The following CLCN5 variants were observed in gnomAD, a reference collection of about 807,000 sequenced individuals.
CLCN5 encodes H(+)/Cl(-) exchange transporter 5.
Under a neutral mutation model 54.0 loss-of-function variants are expected in CLCN5, and 17 were observed. That is an observed-to-expected ratio of 0.31 (90% CI 0.22 to 0.47). CLCN5 has a LOEUF of 0.47. Ranked by LOEUF, CLCN5 falls within the 20% of genes least tolerant of loss-of-function variation. CLCN5 has a pLI of 1.00. For synonymous variants in CLCN5, 222 were observed against 233.0 expected (o/e 0.95, Z 0.43); for missense variants, 448 against 646.7 (o/e 0.69, Z 3.33).
intron 4 of CLCN5, among the ~76,000 whole-genome samples, chrX:50,060,626 G>A (rs1409988727): frequency 8.3e-5 from 9 of 108,952 alleles, no homozygotes; most frequent in Non-Finnish European, 1.3e-4. Flanking sequence ...ACAAAGCAGC[G>A]GGGAAGCTCG....
At chrX:49,994,407 A>C (rs1929410331) in intron 3 of CLCN5, among the ~76,000 whole-genome samples, 1 of 110,858 alleles carries the variant, frequency 9.0e-6, no homozygotes, top group Non-Finnish European at 1.9e-5. Context: ...GGCAACAAAT[A>C]TTGAAGGAAG....
At chrX:49,991,100 A>G (rs1929238667) in intron 3 of CLCN5, among the ~76,000 whole-genome samples, 2 of 112,338 alleles carry the variant, frequency 1.8e-5, no homozygotes. Flanking sequence ...ATCAAATGGT[A>G]GATCTACTTT....
chrX:50,003,693 A>G (rs782660744), intron 3 of CLCN5: 3 of 282,860 alleles, frequency 1.1e-5, no homozygotes, highest in African/African-American at 8.2e-5. Flanking sequence ...ACTCTCAGCC[A>G]TGTCCTTTCT....
At chrX:50,018,970 G>T (rs1259878866) in intron 3 of CLCN5, among the ~76,000 whole-genome samples, 1 of 111,823 alleles carries the variant, frequency 8.9e-6, no homozygotes, top group Non-Finnish European at 1.9e-5. Context: ...ATTAAGAAGG[G>T]TTCCCTTTGC....
At chrX:49,928,186 T>A (rs187770768) in intron 3 of CLCN5, among the ~76,000 whole-genome samples, 1,440 of 112,149 alleles carry the variant, frequency 0.013, 23 homozygotes, top group Non-Finnish European at 0.019. Context: ...AAAAGATAAA[T>A]GTTAGAGGTG....
chrX:49,980,195 A>C (rs939184199), intron 3 of CLCN5, among the ~76,000 whole-genome samples: 5 of 111,351 alleles, frequency 4.5e-5, no homozygotes, highest in Admixed American at 1.9e-4. Context: ...TACTTTTAGG[A>C]ATACCTAACA....
chrX:49,956,939 T>C (rs1927355261), intron 3 of CLCN5, among the ~76,000 whole-genome samples: 1 of 111,762 alleles, frequency 8.9e-6, no homozygotes, highest in African/African-American at 3.3e-5. Context: ...TGGTCCTGTA[T>C]AGGCAATTGA....
In CLCN5 at chrX:50,087,485, C is replaced by T. The variant is rs781928758; in HGVS notation, c.1557+615C>T. Among the ~76,000 whole-genome samples the T allele has an allele frequency of 4.5e-5, 5 of 111,822 alleles. No homozygotes were observed. In the South Asian group the frequency reaches 1.9e-3, roughly 43 times the overall value. ...AGGCTGGCACGTTTTACTTTAGGTA[C>T]CTGTTACCATTTCCACGTTTCAGAA... On this transcript the variant is annotated intron_variant, in intron 11 of 14. Transcript: ENST00000376091.
At chrX:50,052,668 C>T (rs1703100056) in intron 4 of CLCN5, among the ~76,000 whole-genome samples, 1 of 110,829 alleles carries the variant, frequency 9.0e-6, no homozygotes, top group African/African-American at 3.3e-5. Flanking sequence ...CCATGGGGGC[C>T]TGGTGCTTTC....
intron 10 of CLCN5, 55 bp from the exon 11 acceptor site, chrX:50,086,273 C>A (rs1933882378): frequency 1.1e-5 from 12 of 1,120,145 alleles, no homozygotes; most frequent in Middle Eastern, 2.4e-4. Context: ...AACATTTCAC[C>A]TGAAATAGTT....
intron 7 of CLCN5, among the ~76,000 whole-genome samples, chrX:50,078,232 G>A (rs1242394909): frequency 6.3e-5 from 7 of 110,403 alleles, no homozygotes; most frequent in Non-Finnish European, 1.1e-4. Context: ...CTACTCAGAA[G>A]GTGAGGTGGG....
chrX:49,991,219 A>G (rs1340696247), intron 3 of CLCN5, among the ~76,000 whole-genome samples: 1 of 111,859 alleles, frequency 8.9e-6, no homozygotes, highest in African/African-American at 3.3e-5. Context: ...GCCAACATCT[A>G]TTATTTTTTG....
rs781873165 is a variant in CLCN5, at chrX:50,057,087, A to G, written c.164-12792A>G. On this transcript the variant is annotated intron_variant, in intron 4 of 14. Transcript: ENST00000376091. Reference sequence around the variant, plus strand: ...AATGAGTGCAGGGATGAGATTCAAAACAATGCAGGCACTGCCCAGTGATAT... The same window carrying G: ...AATGAGTGCAGGGATGAGATTCAAAGCAATGCAGGCACTGCCCAGTGATAT... 5.4e-5 allele frequency among the ~76,000 whole-genome samples: 6 copies of G among 110,778 alleles called. No individual in the cohort carries two copies. In the Admixed American group the frequency reaches 5.8e-4, roughly 11 times the overall value.
intron 3 of CLCN5, among the ~76,000 whole-genome samples, chrX:49,931,733 CTT>C (rs1361127071): frequency 7.1e-5 from 7 of 99,021 alleles, no homozygotes; most frequent in Admixed American, 1.1e-4. Flanking sequence ...TAAAAGAAAA[CTT>C]TTTTTTTTTT....
At chrX:49,965,997 T>C (rs1557175392) in intron 3 of CLCN5, among the ~76,000 whole-genome samples, 1 of 111,857 alleles carries the variant, frequency 8.9e-6, no homozygotes, top group Non-Finnish European at 1.9e-5. Flanking sequence ...TTGGATTTGC[T>C]AAAATTCTGT....
At chrX:49,942,547 TC>T (rs1245990511) in intron 3 of CLCN5, among the ~76,000 whole-genome samples, 1 of 88,821 alleles carries the variant, frequency 1.1e-5, no homozygotes, top group East Asian at 4.4e-4. Flanking sequence ...ATGGTATCCC[TC>T]CCCCCTCCCC....
intron 3 of CLCN5, among the ~76,000 whole-genome samples, chrX:49,964,589 C>G (rs1453468582): frequency 1.8e-5 from 2 of 111,295 alleles, no homozygotes; most frequent in African/African-American, 6.5e-5. Flanking sequence ...TAGGTTCTTA[C>G]TGAGTGGCCC....
In CLCN5 at chrX:50,092,268, A is replaced by G; in HGVS notation, c.*49A>G. On this transcript the variant is annotated 3_prime_UTR_variant, in exon 15 of 15. Coordinates refer to ENST00000376091, the MANE Select transcript of CLCN5 (RefSeq NM_001127898.4). Reference sequence around the variant, plus strand: ...GCGGGAAGGACATTACAGACCATGGATATGTTGTATTAACTGGGTACCCAA... The same window carrying G: ...GCGGGAAGGACATTACAGACCATGGGTATGTTGTATTAACTGGGTACCCAA... 1 of 881,285 alleles carries G rather than the reference A, an allele frequency of 1.1e-6. No individual in the cohort carries two copies. The highest frequency in any genetic ancestry group is 1.7e-6 in the Non-Finnish European group (1 of 595,762). The allele number at this position is 881,285 out of a possible 1,213,427, so 72.6% of individuals were successfully genotyped here. A position where few individuals can be genotyped will look rare whatever the true frequency, so the allele number is the denominator to read the frequency against.
chrX:49,997,800 C>T (rs1239790071), intron 3 of CLCN5, among the ~76,000 whole-genome samples: 1 of 110,271 alleles, frequency 9.1e-6, no homozygotes, highest in Non-Finnish European at 1.9e-5. Flanking sequence ...GGATTACAGG[C>T]ATGAGCCACC....
Sources: gnomAD v4.1 joint callset for allele counts (sites outside exome capture counted in the v4.1 genomes callset) on GRCh38, gnomAD v4.1.1 for gene constraint, MANE v1.5 for transcripts, NCBI Gene and HGNC (gene_info 2026-07-23, HGNC 2026-07-21) for gene names.